KLHL1: variants seen among roughly 807,000 people sequenced by gnomAD.
KLHL1 encodes the protein kelch like family member 1.
Under a neutral mutation model 77.7 loss-of-function variants are expected in KLHL1, and 47 were observed. The ratio of observed to expected loss-of-function variants is 0.60; its 90% CI spans 0.48 to 0.77. KLHL1 has a LOEUF of 0.77. KLHL1 is among the 30% of genes least tolerant of loss of function. The pLI, the probability that KLHL1 is intolerant of heterozygous loss-of-function variation, is 0.00. For missense variants in KLHL1, 925 were observed against 910.8 expected (o/e 1.02, Z -0.20); for synonymous variants, 360 against 325.2 (o/e 1.11, Z -1.15).
chr13:69,831,964 C>T (rs1485920533), intron 6 of KLHL1, among the ~76,000 whole-genome samples: 1 of 149,978 alleles, frequency 6.7e-6, no homozygotes, highest in Non-Finnish European at 1.5e-5. Context: ...TAATAAAAGC[C>T]ATCTATGGCA....
chr13:69,784,713 T>A (rs1281213620), intron 7 of KLHL1, among the ~76,000 whole-genome samples: 1 of 151,438 alleles, frequency 6.6e-6, no homozygotes, highest in Non-Finnish European at 1.5e-5. Flanking sequence ...CAAAGAGACT[T>A]AGACTCCCAC....
At position 69,724,115 on chromosome 13, in the gene KLHL1, G is replaced by A. The variant is rs185155071; in HGVS notation, c.1803-4534C>T. On this transcript the variant is annotated intron_variant, in intron 8 of 10. Coordinates refer to ENST00000377844, the MANE Select transcript of KLHL1 (RefSeq NM_020866.3). ...CTCCCAAAGTGCTGGGATTACAGTC[G>A]TGAGATACCGTGCCTGGCTACGTGT... Among the ~76,000 whole-genome samples, 9 of 152,176 alleles carry A rather than the reference G, an allele frequency of 5.9e-5. No homozygotes were observed. In the East Asian group the frequency reaches 1.2e-3, roughly 20 times the overall value.
At chr13:69,701,808 A>T in intron 10 of KLHL1, 47 bp from the exon 11 acceptor site, 1 of 1,306,256 alleles carries the variant, frequency 7.7e-7, no homozygotes. Context: ...TTCATAGAAA[A>T]ATATAAAACT....
At chr13:69,987,994 C>T in intron 1 of KLHL1, among the ~76,000 whole-genome samples, 1 of 151,420 alleles carries the variant, frequency 6.6e-6, no homozygotes. Context: ...GGTACATGTT[C>T]AGGCTTGTTA....
chr13:69,967,345 T>C (rs1884241006), intron 2 of KLHL1, among the ~76,000 whole-genome samples: 1 of 152,120 alleles, frequency 6.6e-6, no homozygotes, highest in Non-Finnish European at 1.5e-5. Flanking sequence ...CCAACCCTCA[T>C]ATATGACTTT....
At chr13:70,001,469 T>C (rs1268811336) in intron 1 of KLHL1, among the ~76,000 whole-genome samples, 1 of 151,176 alleles carries the variant, frequency 6.6e-6, no homozygotes, top group Non-Finnish European at 1.5e-5. Flanking sequence ...AAATCGCACA[T>C]ATAAAATGGA....
intron 6 of KLHL1, among the ~76,000 whole-genome samples, chr13:69,823,458 C>T (rs1329739160): frequency 6.6e-6 from 1 of 151,794 alleles, no homozygotes; most frequent in African/African-American, 2.4e-5. Context: ...ATTAAAAAAT[C>T]ATTAAAATTA....
At chr13:69,781,348 TC>T (rs1876197367) in intron 7 of KLHL1, among the ~76,000 whole-genome samples, 1 of 151,322 alleles carries the variant, frequency 6.6e-6, no homozygotes, top group South Asian at 2.1e-4. Flanking sequence ...AGGTTCATGT[TC>T]TTGCTAAGAT....
intron 5 of KLHL1, among the ~76,000 whole-genome samples, chr13:69,878,202 C>T (rs891715286): frequency 6.6e-5 from 10 of 152,234 alleles, no homozygotes; most frequent in African/African-American, 2.4e-4. Flanking sequence ...TATAAAAGTA[C>T]TTACAGATTA....
intron 9 of KLHL1, among the ~76,000 whole-genome samples, chr13:69,714,588 T>A (rs1593766137): frequency 1.3e-5 from 2 of 151,764 alleles, no homozygotes; most frequent in South Asian, 2.1e-4. Context: ...TATTTTATTT[T>A]ATTTATTTAT....
chr13:70,007,923 T>C (rs1461230838), intron 1 of KLHL1, among the ~76,000 whole-genome samples: 2 of 151,998 alleles, frequency 1.3e-5, no homozygotes, highest in African/African-American at 4.8e-5. Flanking sequence ...TAATCTGGTG[T>C]TGATCAAAAG....
chr13:70,085,124 T>C (rs1204012484), intron 1 of KLHL1, among the ~76,000 whole-genome samples: 1 of 152,122 alleles, frequency 6.6e-6, no homozygotes, highest in Non-Finnish European at 1.5e-5. Flanking sequence ...GATATATGTA[T>C]GTGCATGTAT....
chr13:69,997,041 T>C (rs2137320547), intron 1 of KLHL1, among the ~76,000 whole-genome samples: 1 of 145,420 alleles, frequency 6.9e-6, no homozygotes, highest in East Asian at 2.1e-4. Flanking sequence ...GTCAACATGG[T>C]GAAACCCTGT....
chr13:69,765,001 G>GAGT (rs985403602), intron 7 of KLHL1, among the ~76,000 whole-genome samples: 2 of 120,000 alleles, frequency 1.7e-5, no homozygotes, highest in African/African-American at 6.4e-5. Context: ...GCCCAGGCTG[G>GAGT]AGTGCAGTGG....
At chr13:69,740,639 A>C (rs1873951236) in intron 7 of KLHL1, 83 bp from the exon 8 acceptor site, 726 of 924,670 alleles carry the variant, frequency 7.9e-4, no homozygotes, top group Non-Finnish European at 1.0e-3. Context: ...GGTAGATCTC[A>C]TGTTAAGTGT....
chr13:70,078,248 T>A lies in KLHL1; in HGVS notation c.497+28955A>T, dbSNP rs572672758. Among the ~76,000 whole-genome samples, 3 of 152,052 alleles carry A rather than the reference T, an allele frequency of 2.0e-5. No individual in the cohort carries two copies. In the South Asian group the frequency reaches 6.2e-4, roughly 31 times the overall value. ...ACTTAAGTACCAACCAACCACCTTC[T>A]TATTACAACATTCACAGTCAGAAAA... is the stretch of plus-strand genomic sequence containing the variant. On this transcript the variant is annotated intron_variant, in intron 1 of 10. Transcript: ENST00000377844.
intron 4 of KLHL1, among the ~76,000 whole-genome samples, chr13:69,889,041 G>A (rs895747507): frequency 4.1e-5 from 6 of 146,272 alleles, no homozygotes; most frequent in African/African-American, 1.5e-4. Context: ...TGTTGCATAG[G>A]TCATATATAT....
At chr13:69,789,293 T>C (rs1876741048) in intron 7 of KLHL1, among the ~76,000 whole-genome samples, 1 of 151,918 alleles carries the variant, frequency 6.6e-6, no homozygotes, top group South Asian at 2.1e-4. Context: ...TTTTATTTTG[T>C]ATGGGTAACT....
intron 7 of KLHL1, among the ~76,000 whole-genome samples, chr13:69,785,480 A>G (rs1363522862): frequency 6.6e-6 from 1 of 152,196 alleles, no homozygotes; most frequent in African/African-American, 2.4e-5. Flanking sequence ...ACAACACACC[A>G]GAATCTCTGG....
Sources: gnomAD v4.1 joint callset for allele counts (sites outside exome capture counted in the v4.1 genomes callset) on GRCh38, gnomAD v4.1.1 for gene constraint, MANE v1.5 for transcripts, NCBI Gene and HGNC (gene_info 2026-07-23, HGNC 2026-07-21) for gene names.